Variants in PLD5 observed in about 807,000 individuals in gnomAD.
The protein encoded by PLD5 is phospholipase D family member 5, also known as inactive phospholipase D5.
PLD5 carries 36 observed loss-of-function variants against 61.1 expected under a neutral mutation model. The observed-to-expected ratio is 0.59, with a 90% CI of 0.45 to 0.78. The LOEUF is 0.78. PLD5 is among the 30% of genes least tolerant of loss of function. PLD5 has a pLI of 0.00. For synonymous variants in PLD5, 243 were observed against 242.8 expected (o/e 1.00, Z -0.01); for missense variants, 515 against 644.4 (o/e 0.80, Z 2.17).
intron 3 of PLD5, among the ~76,000 whole-genome samples, chr1:242,269,401 C>T (rs1032921263): frequency 3.3e-5 from 5 of 151,350 alleles, no homozygotes; most frequent in African/African-American, 1.2e-4. Flanking sequence ...CAGCTCAGCC[C>T]CTTTGTGACT....
intron 1 of PLD5, among the ~76,000 whole-genome samples, chr1:242,508,990 A>G (rs1258106040): frequency 6.6e-6 from 1 of 152,180 alleles, no homozygotes; most frequent in Non-Finnish European, 1.5e-5. Flanking sequence ...CTGAGGCAGG[A>G]GAATCACTTG....
At chr1:242,129,184 G>A (rs959772629) in intron 5 of PLD5, among the ~76,000 whole-genome samples, 2 of 152,184 alleles carry the variant, frequency 1.3e-5, no homozygotes, top group South Asian at 4.1e-4. Flanking sequence ...CAAAGATTTA[G>A]TGTTCCATTT....
rs143013070 is a variant in PLD5 at position 242,493,567 on chromosome 1, C to T, written c.189+30521G>A. Among the ~76,000 whole-genome samples the T allele has an allele frequency of 2.0e-3, 302 of 152,278 alleles. 3 individuals carry two copies. Among genetic ancestry groups the T allele is most frequent in the Non-Finnish European group, 2.2e-3 (147 of 68,030 alleles). On this transcript the variant is annotated intron_variant, in intron 1 of 9. Coordinates refer to ENST00000536534, the MANE Select transcript of PLD5 (RefSeq NM_001372062.1). ...GTCAGTTTCGCCAGCCCCCTGCCCT[C>T]GCCGCCACCTCCAAAGCTGGAGGCT...
chr1:242,508,911 T>A (rs928859181), intron 1 of PLD5, among the ~76,000 whole-genome samples: 1 of 152,098 alleles, frequency 6.6e-6, no homozygotes, highest in African/African-American at 2.4e-5. Flanking sequence ...GAAAACCCCA[T>A]CTCTACTAAA....
At chr1:242,433,475 C>A (rs1265059441) in intron 1 of PLD5, among the ~76,000 whole-genome samples, 1 of 152,124 alleles carries the variant, frequency 6.6e-6, no homozygotes, top group Non-Finnish European at 1.5e-5. Context: ...TATTGTTTCG[C>A]ACCTTATTTT....
chr1:242,423,281 C>T (rs1665245301), intron 1 of PLD5, among the ~76,000 whole-genome samples: 1 of 152,040 alleles, frequency 6.6e-6, no homozygotes, highest in South Asian at 2.1e-4. Flanking sequence ...AATGTAAATG[C>T]ATCAGGAAAA....
At chr1:242,112,815 A>T (rs6663013) in intron 7 of PLD5, among the ~76,000 whole-genome samples, 1 of 152,014 alleles carries the variant, frequency 6.6e-6, no homozygotes, top group East Asian at 1.9e-4. Context: ...CTTTGAAAAC[A>T]TTTCCTGGAT....
intron 5 of PLD5, among the ~76,000 whole-genome samples, chr1:242,151,474 A>G (rs967730252): frequency 2.6e-5 from 4 of 152,136 alleles, no homozygotes; most frequent in Admixed American, 6.5e-5. Flanking sequence ...CACTCTAAAG[A>G]TATCATTTCA....
chr1:242,404,875 A>ATTTTTTTTTTTTTTTT lies in PLD5; in HGVS notation c.190-56649_190-56634dup, dbSNP rs11361107. Among the ~76,000 whole-genome samples, 569 of 75,358 alleles carry ATTTTTTTTTTTTTTTT rather than the reference A, an allele frequency of 7.6e-3. 60 individuals are homozygous for ATTTTTTTTTTTTTTTT. Among genetic ancestry groups the ATTTTTTTTTTTTTTTT allele is most frequent in the African/African-American group, 0.01 (169 of 16,354 alleles). 49.4% of individuals were successfully genotyped at this position (75,358 alleles called of 152,430 possible). A position where few individuals can be genotyped will look rare whatever the true frequency, so the allele number is the denominator to read the frequency against. ...CATGCCTCTTATCTGTTCCCTGCTA[A>ATTTTTTTTTTTTTTTT]TTTTTTTTTTTTTTTTTTTTTTGAG... On this transcript the variant is annotated intron_variant, in intron 1 of 9. Coordinates refer to ENST00000536534, the MANE Select transcript of PLD5 (RefSeq NM_001372062.1).
chr1:242,398,488 T>A (rs1458475128), intron 1 of PLD5, among the ~76,000 whole-genome samples: 1 of 152,234 alleles, frequency 6.6e-6, no homozygotes, highest in Non-Finnish European at 1.5e-5. Context: ...AAAACCTTCA[T>A]AACCACCTCC....
intron 1 of PLD5, among the ~76,000 whole-genome samples, chr1:242,462,852 C>T (rs1667161827): frequency 6.6e-6 from 1 of 152,144 alleles, no homozygotes; most frequent in South Asian, 2.1e-4. Flanking sequence ...TCAGTGGCAC[C>T]ATTATCCACT....
At chr1:242,426,719 A>G (rs1268715857) in intron 1 of PLD5, among the ~76,000 whole-genome samples, 1 of 152,244 alleles carries the variant, frequency 6.6e-6, no homozygotes, top group Non-Finnish European at 1.5e-5. Flanking sequence ...ATAATTAAGA[A>G]GTACATTTTT....
At chr1:242,479,240 A>G (rs1667693818) in intron 1 of PLD5, among the ~76,000 whole-genome samples, 1 of 152,236 alleles carries the variant, frequency 6.6e-6, no homozygotes, top group Non-Finnish European at 1.5e-5. Context: ...ATAGAGAGGT[A>G]AACTTTCCTG....
chr1:242,430,133 T>C (rs998764963), intron 1 of PLD5, among the ~76,000 whole-genome samples: 3 of 151,948 alleles, frequency 2.0e-5, no homozygotes, highest in Middle Eastern at 6.8e-3. Flanking sequence ...AGCTCCTGCA[T>C]GGATGTCGGG....
chr1:242,151,896 A>T (rs750368894), intron 5 of PLD5, among the ~76,000 whole-genome samples: 1 of 152,124 alleles, frequency 6.6e-6, no homozygotes, highest in Non-Finnish European at 1.5e-5. Context: ...TGTAAGAAAC[A>T]GCACAGAGAG....
intron 4 of PLD5, among the ~76,000 whole-genome samples, chr1:242,243,222 G>A (rs1251396019): frequency 1.3e-5 from 2 of 152,216 alleles, no homozygotes; most frequent in African/African-American, 4.8e-5. Flanking sequence ...GAGGGGAGGA[G>A]GGGTAGGTTT....
intron 5 of PLD5, among the ~76,000 whole-genome samples, chr1:242,184,416 G>T (rs1400678035): frequency 6.6e-6 from 1 of 152,088 alleles, no homozygotes; most frequent in Non-Finnish European, 1.5e-5. Flanking sequence ...ATGGAGTCTT[G>T]CTCTGTCAAC....
intron 1 of PLD5, among the ~76,000 whole-genome samples, chr1:242,348,547 A>G (rs558984239): frequency 6.6e-6 from 1 of 152,132 alleles, no homozygotes; most frequent in Non-Finnish European, 1.5e-5. Context: ...AGATCACTAG[A>G]TATCTATTGT....
At chr1:242,429,435 C>T (rs1665602190) in intron 1 of PLD5, among the ~76,000 whole-genome samples, 1 of 152,054 alleles carries the variant, frequency 6.6e-6, no homozygotes, top group Admixed American at 6.5e-5. Context: ...TTTTTAGAGA[C>T]AAGGTCCTGC....
Sources: gnomAD v4.1 joint callset for allele counts (sites outside exome capture counted in the v4.1 genomes callset) on GRCh38, gnomAD v4.1.1 for gene constraint, MANE v1.5 for transcripts, NCBI Gene and HGNC (gene_info 2026-07-23, HGNC 2026-07-21) for gene names.